Variants in FSIP2 observed in about 807,000 individuals in gnomAD.
FSIP2 encodes fibrous sheath interacting protein 2, also known as fibrous sheath-interacting protein 2.
In FSIP2, 367 loss-of-function variants were observed where a neutral mutation model predicts 510.5. The ratio of observed to expected loss-of-function variants is 0.72; its 90% CI spans 0.66 to 0.78. The LOEUF is 0.78. Ranked by LOEUF, FSIP2 falls within the 30% of genes least tolerant of loss-of-function variation. The pLI, the probability that FSIP2 is intolerant of heterozygous loss-of-function variation, is 0.00. For missense variants in FSIP2, 7,594 were observed against 7,901.7 expected, an observed-to-expected ratio of 0.96 and a Z score of 1.48; for synonymous variants, 2,601 against 2,732.2, an observed-to-expected ratio of 0.95 and a Z score of 1.50.
Position 185,807,984 on chromosome 2 carries a change from A to C in FSIP2, c.18678A>C (p.Lys6226Asn). ...VLNSVQEFIS[K>N]SKIKLVPPTK... ...ATTCAGTCCAAGAATTTATCTCCAA[A>C]AGTAAGATTAAACTTGTACCACCCA... is the stretch of plus-strand genomic sequence containing the variant. The change falls in exon 17 of 23, where the codon AAA becomes AAC. Residue 6226 changes from lysine to asparagine, a missense_variant. Lys to Asn is a moderately conservative substitution (Grantham distance 94). Coordinates refer to ENST00000424728, the MANE Select transcript of FSIP2 (RefSeq NM_173651.4). 6.2e-7 allele frequency: 1 copy of C among 1,610,716 alleles called. No individual in the cohort carries two copies. The highest frequency in any genetic ancestry group is 8.5e-7 in the Non-Finnish European group (1 of 1,178,086).
At position 185,801,343 on chromosome 2, in the gene FSIP2, A is replaced by T. The variant is rs759593611; in HGVS notation, c.12037A>T (p.Asn4013Tyr). Residue 4013 changes from asparagine (N) to tyrosine (Y), a missense_variant, in exon 17 of 23, where the codon AAT becomes TAT. Asn to Tyr is a moderately radical substitution (Grantham distance 143, BLOSUM62 -2). Transcript: ENST00000424728. ...LNEMNTLFVN[N>Y]VVNEFNNAQV... The stretch of plus-strand genomic sequence containing the variant: ...TGAGATGAATACATTATTTGTCAAC[A>T]ATGTAGTGAATGAATTTAATAATGC... The T allele has an allele frequency of 6.5e-6, 10 of 1,533,936 alleles. No individual in the cohort carries two copies. The South Asian group carries it at 1.2e-4, about 18-fold the overall frequency.
intron 13 of FSIP2, among the ~76,000 whole-genome samples, chr2:185,776,389 C>T (rs910316870): frequency 2.0e-5 from 3 of 152,132 alleles, no homozygotes; most frequent in Non-Finnish European, 4.4e-5. Context: ...TCCTGCTTTT[C>T]ATTGCTTTAT....
chr2:185,748,706 C>T (rs1039826048), intron 7 of FSIP2, among the ~76,000 whole-genome samples: 1 of 152,014 alleles, frequency 6.6e-6, no homozygotes, highest in African/African-American at 2.4e-5. Context: ...ATCAAATCAG[C>T]CTGGGAGGAG....
At position 185,799,898 on chromosome 2, in the gene FSIP2, A is replaced by G; in HGVS notation, c.10592A>G (p.Gln3531Arg). Residue 3531 changes from glutamine (Q) to arginine (R), a missense_variant, in exon 17 of 23, where the codon CAA (glutamine) becomes CGA (arginine). Coordinates refer to ENST00000424728, the MANE Select transcript of FSIP2 (RefSeq NM_173651.4). The stretch of plus-strand genomic sequence containing the variant: ...GAAAAAGAGAAAGCATGGGAAATTC[A>G]AGAAGCAACATTTAGCAAGATTATT... ...GREKEKAWEI[Q>R]EATFSKIISI... is the part of the protein sequence containing the mutation. 6.5e-7 allele frequency: 1 copy of G among 1,533,790 alleles called. No homozygotes were observed. The highest frequency in any genetic ancestry group is 8.7e-7 in the Non-Finnish European group (1 of 1,145,468).
At chr2:185,816,127 A>G (rs1288403003) in intron 19 of FSIP2, among the ~76,000 whole-genome samples, 2 of 152,034 alleles carry the variant, frequency 1.3e-5, no homozygotes, top group African/African-American at 4.8e-5. Flanking sequence ...TTATAAAATT[A>G]TACACAACTT....
In FSIP2 at chr2:185,808,647, T is replaced by C. The variant is rs900314007; in HGVS notation, c.19341T>C (p.Asn6447=). The C allele has an allele frequency of 6.2e-7, 1 of 1,606,364 alleles. No individual in the cohort carries two copies. Among genetic ancestry groups the C allele is most frequent in the Non-Finnish European group, 8.5e-7 (1 of 1,176,502 alleles). ...KEFYYDIKDT[N]TAFPKKVASL... is the part of the protein sequence containing the mutation. ...TTTATTATGATATAAAAGATACAAATACAGCCTTTCCTAAAAAAGTGGCTA... is the reference window on the plus strand; with the variant it reads ...TTTATTATGATATAAAAGATACAAACACAGCCTTTCCTAAAAAAGTGGCTA... Residue 6447 remains asparagine (N), a synonymous_variant, in exon 17 of 23, where the codon AAT becomes AAC. Transcript: ENST00000424728.
rs7562137 is a variant in FSIP2 at position 185,761,043 on chromosome 2, A to G, written c.1134A>G (p.Lys378=). 0.54 allele frequency: 806,671 copies of G among 1,495,626 alleles called. 220,168 individuals carry two copies. Among genetic ancestry groups the G allele is most frequent in the South Asian group, 0.64 (51,513 of 80,912 alleles). 92.6% of individuals were successfully genotyped at this position (1,495,626 alleles called of 1,614,324 possible). ...QRQNSSNNFT[K]KNSASVVYQA... ...AAAATAGTTCAAATAATTTTACGAA[A>G]AAAAACTCAGCTTCTGTTGTTTATC... Residue 378 remains lysine (K), a synonymous_variant, in exon 10 of 23, where the codon AAA becomes AAG. Coordinates refer to ENST00000424728, the MANE Select transcript of FSIP2 (RefSeq NM_173651.4).
chr2:185,792,099 C>T lies in FSIP2; in HGVS notation c.4963C>T (p.Gln1655Ter). Residue 1655 changes from glutamine (Q) to a stop codon, truncating the protein, a stop_gained, in exon 16 of 23, where the codon CAA becomes TAA. Coordinates refer to ENST00000424728, the MANE Select transcript of FSIP2 (RefSeq NM_173651.4). LOFTEE classifies it high-confidence loss of function. Reference sequence around the variant, plus strand: ...ATCAAGTGCTATTTTGAAGGTTATTCAAACAGAATTAAATGTGACCTCATC... The same window carrying T: ...ATCAAGTGCTATTTTGAAGGTTATTTAAACAGAATTAAATGTGACCTCATC... ...KVSSAILKVIQTELNVTSSDL... is the reference protein window; with the variant it reads ...KVSSAILKVI The T allele has an allele frequency of 6.5e-7, 1 of 1,533,860 alleles. No homozygotes were observed. The highest frequency in any genetic ancestry group is 1.4e-5 in the African/African-American group (1 of 72,962).
intron 20 of FSIP2, among the ~76,000 whole-genome samples, chr2:185,824,720 T>C (rs1404978802): frequency 6.6e-6 from 1 of 151,770 alleles, no homozygotes; most frequent in African/African-American, 2.4e-5. Context: ...TGATATGAAT[T>C]CACATTTACC....
intron 19 of FSIP2, among the ~76,000 whole-genome samples, chr2:185,817,851 C>T (rs12622494): frequency 0.55 from 82,683 of 151,678 alleles, 22,780 homozygotes; most frequent in South Asian, 0.64. Flanking sequence ...AGTAAAAATA[C>T]GTATGAACAA....
chr2:185,802,958 T>A lies in FSIP2; in HGVS notation c.13652T>A (p.Val4551Asp). The change falls in exon 17 of 23, where the codon GTT (valine) becomes GAT (aspartate). Residue 4551 changes from valine to aspartate, a missense_variant. Coordinates refer to ENST00000424728, the MANE Select transcript of FSIP2 (RefSeq NM_173651.4). ...QHLVDSVFANVVQTSGSQESA... is the reference protein window; with the variant it reads ...QHLVDSVFANDVQTSGSQESA... ...CTTGTTGATTCAGTATTTGCAAATG[T>A]TGTGCAAACCTCTGGTTCTCAAGAA... The A allele has an allele frequency of 6.5e-7, 1 of 1,527,318 alleles. No homozygotes were observed. The highest frequency in any genetic ancestry group is 8.8e-7 in the Non-Finnish European group (1 of 1,142,828). 94.6% of individuals were successfully genotyped at this position (1,527,318 alleles called of 1,614,324 possible). A position where few individuals can be genotyped will look rare whatever the true frequency, so the allele number is the denominator to read the frequency against.
rs559357757 is a variant in FSIP2, at chr2:185,807,874, C to A, written c.18568C>A (p.Leu6190Ile). The A allele has an allele frequency of 2.5e-6, 4 of 1,606,598 alleles. No individual in the cohort carries two copies. In the South Asian group the frequency reaches 4.5e-5, roughly 18 times the overall value. ...AATTGCTGTGAAATTTTTATCAAAG[C>A]TTTTATCTATATTTCCAAAAGTACA... ...EEIAVKFLSKLLSIFPKVHKE... is the reference protein window; with the variant it reads ...EEIAVKFLSKILSIFPKVHKE... Residue 6190 changes from leucine to isoleucine, a missense_variant, in exon 17 of 23, where the codon CTT (leucine) becomes ATT (isoleucine). Leu to Ile is a conservative substitution (Grantham distance 5). Coordinates refer to ENST00000424728, the MANE Select transcript of FSIP2 (RefSeq NM_173651.4).
intron 13 of FSIP2, among the ~76,000 whole-genome samples, chr2:185,776,454 G>T (rs1438709947): frequency 6.6e-6 from 1 of 151,696 alleles, no homozygotes; most frequent in African/African-American, 2.4e-5. Flanking sequence ...GGTTACCTGG[G>T]TGTATATTTC....
chr2:185,818,986 A>C (rs1452034071), intron 19 of FSIP2, among the ~76,000 whole-genome samples: 1 of 151,948 alleles, frequency 6.6e-6, no homozygotes, highest in Non-Finnish European at 1.5e-5. Context: ...AAAGGATTTA[A>C]AAGACAAATG....
intron 19 of FSIP2, among the ~76,000 whole-genome samples, chr2:185,820,250 G>A (rs1693890260): frequency 6.6e-6 from 1 of 151,392 alleles, no homozygotes; most frequent in Non-Finnish European, 1.5e-5. Context: ...TCCCCCTTTT[G>A]CTTGGCACTT....
At position 185,804,237 on chromosome 2, in the gene FSIP2, G is replaced by A. The variant is rs766728737; in HGVS notation, c.14931G>A (p.Val4977=). ...TGGTTACTGAAAATCCAGATAGAGT[G>A]AAACTGAAACTTACCAGGATTGTTA... is the stretch of plus-strand genomic sequence containing the variant. ...NMLVTENPDR[V]KLKLTRIVTT... The change falls in exon 17 of 23, where the codon GTG becomes GTA. Residue 4977 remains valine (V), a synonymous_variant. Transcript: ENST00000424728. 6.5e-7 allele frequency: 1 copy of A among 1,527,692 alleles called. No individual in the cohort carries two copies. The highest frequency in any genetic ancestry group is 1.2e-5 in the South Asian group (1 of 82,450). The allele number at this position is 1,527,692 out of a possible 1,614,324, so 94.6% of individuals were successfully genotyped here.
chr2:185,801,419 T>C lies in FSIP2; in HGVS notation c.12113T>C (p.Val4038Ala), dbSNP rs996871163. The part of the protein sequence containing the change: ...NAEERLCFPP[V>A]HTETVSKIVD... Reference sequence around the variant, plus strand: ...GAAGAAAGGCTGTGTTTTCCACCAGTTCATACAGAAACTGTTAGCAAAATT... The same window carrying C: ...GAAGAAAGGCTGTGTTTTCCACCAGCTCATACAGAAACTGTTAGCAAAATT... Residue 4038 changes from valine to alanine, a missense_variant, in exon 17 of 23, where the codon GTT (valine) becomes GCT (alanine). By Grantham distance (64) the Val-to-Ala change is moderately conservative. Transcript: ENST00000424728. The C allele has an allele frequency of 3.3e-6, 5 of 1,533,962 alleles. No individual in the cohort carries two copies. In the African/African-American group the frequency reaches 6.9e-5, roughly 21 times the overall value.
Position 185,800,314 on chromosome 2 carries a change from A to T in FSIP2, c.11008A>T (p.Lys3670Ter). 1 of 1,533,730 alleles carries T rather than the reference A, an allele frequency of 6.5e-7. No homozygotes were observed. The highest frequency in any genetic ancestry group is 8.7e-7 in the Non-Finnish European group (1 of 1,145,516). The change falls in exon 17 of 23, where the codon AAA becomes TAA. Residue 3670 changes from lysine (K) to a stop codon, truncating the protein, a stop_gained. Coordinates refer to ENST00000424728, the MANE Select transcript of FSIP2 (RefSeq NM_173651.4). LOFTEE classifies it high-confidence loss of function. ...TCAACAAATTGGTCAACTTTTTCAA[A>T]AAAATAAGTTAAGTTATCTTGCATG... ...STQQIGQLFQ[K>*]NKLSYLACKL...
At chr2:185,830,447 T>TC (rs1694086596) in intron 21 of FSIP2, among the ~76,000 whole-genome samples, 1 of 151,912 alleles carries the variant, frequency 6.6e-6, no homozygotes, top group African/African-American at 2.4e-5. Context: ...CTGATAGCTG[T>TC]AGGGGATTGG....
Sources: allele counts gnomAD v4.1 joint callset (sites outside exome capture counted in the v4.1 genomes callset), GRCh38; gene constraint gnomAD v4.1.1; transcripts MANE v1.5; gene names NCBI Gene and HGNC (gene_info 2026-07-23, HGNC 2026-07-21).